The following PRPF18 variants were observed in gnomAD, a reference collection of about 807,000 sequenced individuals.
PRPF18 encodes pre-mRNA processing factor 18.
Under a neutral mutation model 46.5 loss-of-function variants are expected in PRPF18, and 38 were observed. That is an observed-to-expected ratio of 0.82 (90% CI 0.63 to 1.07). The LOEUF (loss-of-function observed/expected upper bound fraction) is 1.07. PRPF18 is among the 50% of genes least tolerant of loss of function. The pLI, the probability that PRPF18 is intolerant of heterozygous loss-of-function variation, is 0.00. For missense variants in PRPF18, 263 were observed against 410.0 expected (o/e 0.64, Z 3.10); for synonymous variants, 152 against 146.7 (o/e 1.04, Z -0.26).
At chr10:13,637,367 T>C in the PRPF18 span, among the ~76,000 whole-genome samples, 1 of 152,226 alleles carries the variant, frequency 6.6e-6, no homozygotes, top group Admixed American at 6.5e-5. Flanking sequence ...ATTTTAGCCC[T>C]TCTGGTAGTC....
chr10:13,615,677 T>C (rs2080328427), intron 8 of PRPF18, among the ~76,000 whole-genome samples: 1 of 152,194 alleles, frequency 6.6e-6, no homozygotes, highest in Admixed American at 6.5e-5. Flanking sequence ...TTATTTGCTT[T>C]ATGTTTTTCT....
At chr10:13,650,633 G>A in the PRPF18 span, among the ~76,000 whole-genome samples, 1 of 152,142 alleles carries the variant, frequency 6.6e-6, no homozygotes, top group Non-Finnish European at 1.5e-5. Context: ...ACTGGGGCTG[G>A]GGGAGGGGGT....
At chr10:13,591,922 C>A in intron 1 of PRPF18, 2 of 1,308,340 alleles carry the variant, frequency 1.5e-6, no homozygotes, top group Non-Finnish European at 1.0e-6. Context: ...CACGTGTCAA[C>A]TGAGGGTTTT....
intron 8 of PRPF18, among the ~76,000 whole-genome samples, chr10:13,615,261 C>T (rs994796086): frequency 6.6e-6 from 1 of 152,182 alleles, no homozygotes; most frequent in Non-Finnish European, 1.5e-5. Context: ...TTCTCGTGAT[C>T]ACATATCAGA....
downstream of PRPF18, chr10:13,632,806 G>A (rs925213365): frequency 6.6e-5 from 10 of 152,142 alleles, no homozygotes; most frequent in African/African-American, 1.7e-4. Flanking sequence ...TTTCCAAATC[G>A]TGAAAATTTG....
At chr10:13,593,474 G>T (rs1311764054) in intron 1 of PRPF18, among the ~76,000 whole-genome samples, 1 of 152,188 alleles carries the variant, frequency 6.6e-6, no homozygotes, top group Non-Finnish European at 1.5e-5. Flanking sequence ...ATGCTGTGGG[G>T]CTGCAAAGAG....
chr10:13,591,902 G>A (rs1480820270), intron 1 of PRPF18: 8 of 1,417,802 alleles, frequency 5.6e-6, no homozygotes, highest in East Asian at 3.9e-5. Flanking sequence ...ATGCTGGTTC[G>A]CAGTTTTCTC....
chr10:13,614,032 TAA>T lies in PRPF18; in HGVS notation c.740_741del (p.Lys247ArgfsTer8). The T allele has an allele frequency of 6.3e-7, 1 of 1,590,848 alleles. No individual in the cohort carries two copies. Among genetic ancestry groups the T allele is most frequent in the African/African-American group, 1.3e-5 (1 of 74,186 alleles). ...TTTTTCAGAATCTTCCTGCTGATAT[TAA>T]AGAATCAATAACGGATATTATTAAA... Reference protein sequence around the residue: ...LRKRNLPADIKESITDIIKFM... With the variant: ...LRKRNLPADIXESITDIIKFM... On this transcript the variant is annotated frameshift_variant, in exon 8 of 10. Coordinates refer to ENST00000378572, the MANE Select transcript of PRPF18 (RefSeq NM_003675.4). LOFTEE classifies it high-confidence loss of function.
chr10:13,593,529 A>C (rs2079993178), intron 1 of PRPF18, among the ~76,000 whole-genome samples: 1 of 152,222 alleles, frequency 6.6e-6, no homozygotes, highest in Non-Finnish European at 1.5e-5. Flanking sequence ...AAACAGTTTA[A>C]TGTGGTTCTG....
At chr10:13,637,671 C>T in the PRPF18 span, among the ~76,000 whole-genome samples, 1 of 152,198 alleles carries the variant, frequency 6.6e-6, no homozygotes, top group Non-Finnish European at 1.5e-5. Flanking sequence ...ATGACTGACT[C>T]AGATATTGAC....
intron 1 of PRPF18, 145 bp downstream of exon 1, chr10:13,587,297 CT>C: frequency 1.2e-6 from 1 of 829,006 alleles, no homozygotes. Context: ...GGTAGGCCCC[CT>C]TAGATCCAAC....
chr10:13,597,026 T>C (rs1397491036), intron 1 of PRPF18, among the ~76,000 whole-genome samples: 1 of 152,228 alleles, frequency 6.6e-6, no homozygotes, highest in African/African-American at 2.4e-5. Context: ...TCCCTTGTTA[T>C]GTGGGATATC....
downstream of PRPF18, among the ~76,000 whole-genome samples, chr10:13,634,646 G>A (rs1260472511): frequency 6.6e-6 from 1 of 152,212 alleles, no homozygotes; most frequent in Admixed American, 6.5e-5. Context: ...AAAAGCTGTA[G>A]AATTTGAAAC....
chr10:13,597,797 A>ATT (rs763220872), intron 2 of PRPF18: 840 of 432,588 alleles, frequency 1.9e-3, no homozygotes, highest in East Asian at 2.6e-3. Flanking sequence ...CAAAGCTTGA[A>ATT]TTTTTTTTTT....
intron 4 of PRPF18, among the ~76,000 whole-genome samples, chr10:13,609,177 G>A (rs1411411321): frequency 6.6e-6 from 1 of 152,182 alleles, no homozygotes; most frequent in Non-Finnish European, 1.5e-5. Flanking sequence ...AAAGCTCATC[G>A]TCCATTTCTT....
the PRPF18 span, chr10:13,651,923 G>C: frequency 6.9e-6 from 11 of 1,585,320 alleles, no homozygotes; most frequent in Non-Finnish European, 9.5e-6. Context: ...CAGTACTTTG[G>C]TGAGGTGGAG....
chr10:13,626,790 C>G (rs1054797760), intron 9 of PRPF18, among the ~76,000 whole-genome samples: 24 of 134,426 alleles, frequency 1.8e-4, no homozygotes, highest in African/African-American at 6.2e-4. Flanking sequence ...TTATTTGATA[C>G]AAGAATCGTG....
the PRPF18 span, chr10:13,643,380 T>A: frequency 2.0e-5 from 3 of 152,228 alleles, no homozygotes; most frequent in Non-Finnish European, 4.4e-5. Context: ...TTGCAGTGAA[T>A]AGTGATGCAA....
chr10:13,652,027 G>A, the PRPF18 span: 2 of 930,080 alleles, frequency 2.2e-6, no homozygotes, highest in Non-Finnish European at 3.6e-6. Flanking sequence ...GTTACAGAGA[G>A]ACACTGACAC....
Sources: gnomAD v4.1 joint callset for allele counts (sites outside exome capture counted in the v4.1 genomes callset) on GRCh38, gnomAD v4.1.1 for gene constraint, MANE v1.5 for transcripts, NCBI Gene and HGNC (gene_info 2026-07-23, HGNC 2026-07-21) for gene names.